WFDC12: variants seen among roughly 807,000 people sequenced by gnomAD.
WFDC12 encodes the protein WAP four-disulfide core domain protein 12.
Under a neutral mutation model 7.3 loss-of-function variants are expected in WFDC12, and 4 were observed. That is an observed-to-expected ratio of 0.55 (90% confidence interval 0.27 to 1.25). WFDC12 has a LOEUF of 1.25. WFDC12 is among the 50% of genes most tolerant of loss of function. The pLI is 0.12. For missense variants in WFDC12, 156 were observed against 134.4 expected (o/e 1.16, Z -0.80); for synonymous variants, 48 against 49.5 (o/e 0.97, Z 0.13).
rs781463323 is a variant in WFDC12, at chr20:45,124,088, G to T, written c.238+19C>A. On this transcript the variant is annotated intron_variant, in intron 2 of 2. Transcript: ENST00000372785. ...GCAGGGAAGGGACAGCCCCAGCCCT[G>T]GGAGGCAGGTCTCCTTACCTTCTTC... 1 of 1,613,632 alleles carries T rather than the reference G, an allele frequency of 6.2e-7. No homozygotes were observed. Among genetic ancestry groups the T allele is most frequent in the South Asian group, 1.1e-5 (1 of 91,000 alleles).
chr20:45,123,634 GAGCATT>G lies in WFDC12; in HGVS notation c.*206_*211del. On this transcript the variant is annotated 3_prime_UTR_variant, in exon 3 of 3. Transcript: ENST00000372785. ...TTTCATTCATGAGGGGTCCATTCAT[GAGCATT>G]AGGGAGGAGCACCAGGTAGAGAGGG... 1 of 599,988 alleles carries G rather than the reference GAGCATT, an allele frequency of 1.7e-6. No individual in the cohort carries two copies. The highest frequency in any genetic ancestry group is 2.9e-6 in the Non-Finnish European group (1 of 339,168). The allele number at this position is 599,988 out of a possible 1,614,324, so 37.2% of individuals were successfully genotyped here.
Position 45,123,843 on chromosome 20 carries a change from G to A in WFDC12, c.*3C>T, listed in dbSNP as rs1246908366. On this transcript the variant is annotated 3_prime_UTR_variant, in exon 3 of 3. Coordinates refer to ENST00000372785, the MANE Select transcript of WFDC12 (RefSeq NM_080869.2). ...GACCCCCAGAGGTAGAAAGGACCCA[G>A]CATCATTTCTGAGGACACCTGGTAG... The A allele has an allele frequency of 1.2e-6, 2 of 1,612,702 alleles. No individual in the cohort carries two copies. The highest frequency in any genetic ancestry group is 2.2e-5 in the East Asian group (1 of 44,878).
intron 2 of WFDC12, 41 bp from the exon 3 acceptor site, chr20:45,123,984 G>A (rs1490491460): frequency 6.3e-7 from 1 of 1,594,786 alleles, no homozygotes; most frequent in Non-Finnish European, 8.5e-7. Flanking sequence ...GGTCTCTGAG[G>A]GCCCTGCCAG....
chr20:45,124,335 C>A, intron 1 of WFDC12, 34 bp downstream of exon 1: 1 of 1,614,094 alleles, frequency 6.2e-7, no homozygotes, highest in South Asian at 1.1e-5. Context: ...CTCTCCCCAG[C>A]CCAGCCCCAC....
At position 45,123,957 on chromosome 20, in the gene WFDC12, A is replaced by G. The variant is rs776622351; in HGVS notation, c.239-14T>C. ...CCTTGTTTCCTCCTTTGGACAATGG[A>G]GATGTTCAGACTAGGTGGTCTCTGA... On this transcript the variant is annotated splice_polypyrimidine_tract_variant and intron_variant, in intron 2 of 2. Transcript: ENST00000372785. 15 of 1,604,334 alleles carry G rather than the reference A, an allele frequency of 9.3e-6. No homozygotes were observed. The African/African-American group carries it at 1.9e-4, about 20-fold the overall frequency.
rs748892218 is a variant in WFDC12, at chr20:45,124,425, A to G, written c.23T>C (p.Val8Ala). MGSSSFL[V>A]LMVSLVLVTL... ...CACAAGAACGAGAGACACCATGAGGACCAAGAAGCTGCTGGACCCCATGTT... is the reference window on the plus strand; with the variant it reads ...CACAAGAACGAGAGACACCATGAGGGCCAAGAAGCTGCTGGACCCCATGTT... Residue 8 changes from valine (V) to alanine (A), a missense_variant, in exon 1 of 3, where the codon GTC becomes GCC. Val to Ala is a moderately conservative substitution (Grantham distance 64, BLOSUM62 0). Transcript: ENST00000372785. The G allele has an allele frequency of 6.2e-7, 1 of 1,614,182 alleles. No individual in the cohort carries two copies. The highest frequency in any genetic ancestry group is 1.7e-5 in the Admixed American group (1 of 60,022).
chr20:45,124,150 G>A lies in WFDC12; in HGVS notation c.195C>T (p.His65=), dbSNP rs868067947. The A allele has an allele frequency of 1.2e-6, 2 of 1,614,214 alleles. No homozygotes were observed. Among genetic ancestry groups the A allele is most frequent in the Middle Eastern group, 3.3e-4 (2 of 6,052 alleles). ...CLGERKCCYL[H]CGFKCVIPVK... ...CAGGAATCACACACTTGAAGCCACA[G>A]TGCAGGTAACAACACTTCCTTTCCC... The change falls in exon 2 of 3, where the codon CAC becomes CAT. Residue 65 remains histidine, a synonymous_variant. Coordinates refer to ENST00000372785, the MANE Select transcript of WFDC12 (RefSeq NM_080869.2).
Position 45,124,362 on chromosome 20 carries a change from T to G in WFDC12, c.79+7A>C. 6.2e-7 allele frequency: 1 copy of G among 1,614,166 alleles called. No individual in the cohort carries two copies. The highest frequency in any genetic ancestry group is 8.5e-7 in the Non-Finnish European group (1 of 1,179,984). ...CAGCCCCACCCAGCTCCACCATGTC[T>G]GCTCACCCTCTTTAACTCCTTCCAC... On this transcript the variant is annotated splice_region_variant and intron_variant, in intron 1 of 2. Transcript: ENST00000372785.
At position 45,123,724 on chromosome 20, in the gene WFDC12, G is replaced by T; in HGVS notation, c.*122C>A. 2.9e-6 allele frequency: 3 copies of T among 1,029,142 alleles called. No homozygotes were observed. The highest frequency in any genetic ancestry group is 4.4e-6 in the Non-Finnish European group (3 of 683,376). 63.8% of individuals were successfully genotyped at this position (1,029,142 alleles called of 1,614,324 possible). A position where few individuals can be genotyped will look rare whatever the true frequency, so the allele number is the denominator to read the frequency against. On this transcript the variant is annotated 3_prime_UTR_variant, in exon 3 of 3. Coordinates refer to ENST00000372785, the MANE Select transcript of WFDC12 (RefSeq NM_080869.2). ...ACTCTTCCCTCTTTTTGGGGAAAAG[G>T]ACTTCAAGCTCAGGTTTTCTTTGGT...
rs757344820 is a variant in WFDC12, at chr20:45,124,311, G to A, written c.80-46C>T. ...GTGATATGAGAACTCCAGCCCCAGA[G>A]GGCCCCTCAGGACCTCTCCCCAGCC... On this transcript the variant is annotated intron_variant, in intron 1 of 2. Transcript: ENST00000372785. The A allele has an allele frequency of 1.9e-6, 3 of 1,613,834 alleles. No individual in the cohort carries two copies. In the South Asian group the frequency reaches 3.3e-5, roughly 18 times the overall value.
chr20:45,124,062 G>A (rs1296636638), intron 2 of WFDC12, 45 bp downstream of exon 2: 3 of 1,612,424 alleles, frequency 1.9e-6, no homozygotes, highest in Admixed American at 3.3e-5. Flanking sequence ...GTCAGATAGA[G>A]GCAGGGAAGG....
chr20:45,123,764 C>T lies in WFDC12; in HGVS notation c.*82G>A. On this transcript the variant is annotated 3_prime_UTR_variant, in exon 3 of 3. Transcript: ENST00000372785. Reference sequence around the variant, plus strand: ...TTTTCTTTGGTGGGGTTGGGTATTGCTTCTTCCATATTCCAAGTCTCAGGA... The same window carrying T: ...TTTTCTTTGGTGGGGTTGGGTATTGTTTCTTCCATATTCCAAGTCTCAGGA... 1.4e-6 allele frequency: 2 copies of T among 1,428,078 alleles called. No individual in the cohort carries two copies. The highest frequency in any genetic ancestry group is 1.4e-5 in the African/African-American group (1 of 71,052). 88.5% of individuals were successfully genotyped at this position (1,428,078 alleles called of 1,614,324 possible). A position where few individuals can be genotyped will look rare whatever the true frequency, so the allele number is the denominator to read the frequency against.
rs1340008890 is a variant in WFDC12 at position 45,124,116 on chromosome 20, G to T, written c.229C>A (p.Leu77Met). 5 of 1,613,994 alleles carry T rather than the reference G, an allele frequency of 3.1e-6. No individual in the cohort carries two copies. In the South Asian group the frequency reaches 4.4e-5, roughly 14 times the overall value. The change falls in exon 2 of 3, where the codon CTG becomes ATG. Residue 77 changes from leucine (L) to methionine (M), a missense_variant. Physicochemically the swap from Leu to Met is conservative, Grantham distance 15. Coordinates refer to ENST00000372785, the MANE Select transcript of WFDC12 (RefSeq NM_080869.2). Reference protein sequence around the residue: ...GFKCVIPVKELEEGGNKDEDV... With the variant: ...GFKCVIPVKEMEEGGNKDEDV... ...AGGCAGGTCTCCTTACCTTCTTCCAGTTCCTTCACAGGAATCACACACTTG... is the reference window on the plus strand; with the variant it reads ...AGGCAGGTCTCCTTACCTTCTTCCATTTCCTTCACAGGAATCACACACTTG...
At chr20:45,124,002 C>T (rs1981928092) in intron 2 of WFDC12, 59 bp from the exon 3 acceptor site, 2 of 1,595,084 alleles carry the variant, frequency 1.3e-6, no homozygotes, top group Admixed American at 1.8e-5. Flanking sequence ...CAGCTTTAGC[C>T]ATCCCTCCCC....
Position 45,123,877 on chromosome 20 carries a change from C to T in WFDC12, c.305G>A (p.Gly102Asp). Residue 102 changes from glycine (G) to aspartate (D), a missense_variant, in exon 3 of 3, where the codon GGC (glycine) becomes GAC (aspartate). Transcript: ENST00000372785. ...CTGAGGACACCTGGTAGAGGAGGAG[C>T]CTGGACACTTGGCCTCCCATCCTGG... ...PEPGWEAKCP[G>D]SSSTRCPQK 1.2e-6 allele frequency: 2 copies of T among 1,613,360 alleles called. No homozygotes were observed. Among genetic ancestry groups the T allele is most frequent in the South Asian group, 1.1e-5 (1 of 91,034 alleles).
At position 45,124,108 on chromosome 20, in the gene WFDC12, T is replaced by G; in HGVS notation, c.237A>C (p.Glu79Asp). ...GCCCTGGGAGGCAGGTCTCCTTACC[T>G]TCTTCCAGTTCCTTCACAGGAATCA... ...KCVIPVKELE[E>D]GGNKDEDVSR... is the part of the protein sequence containing the mutation. The change falls in exon 2 of 3, where the codon GAA (glutamate) becomes GAC (aspartate). Residue 79 changes from glutamate (E) to aspartate (D), a missense_variant and splice_region_variant. Transcript: ENST00000372785. The G allele has an allele frequency of 1.2e-6, 2 of 1,614,046 alleles. No individual in the cohort carries two copies. The highest frequency in any genetic ancestry group is 1.7e-6 in the Non-Finnish European group (2 of 1,179,952).
Position 45,123,574 on chromosome 20 carries a change from A to G in WFDC12, c.*272T>C. 1 of 494,404 alleles carries G rather than the reference A, an allele frequency of 2.0e-6. No individual in the cohort carries two copies. Among genetic ancestry groups the G allele is most frequent in the South Asian group, 2.4e-5 (1 of 42,376 alleles). 30.6% of individuals were successfully genotyped at this position (494,404 alleles called of 1,614,324 possible). A position where few individuals can be genotyped will look rare whatever the true frequency, so the allele number is the denominator to read the frequency against. On this transcript the variant is annotated 3_prime_UTR_variant, in exon 3 of 3. Coordinates refer to ENST00000372785, the MANE Select transcript of WFDC12 (RefSeq NM_080869.2). ...TGTGATCACACATTGCAGAAGGGCA[A>G]GGCAGCTCTTTGGGGTCTCTTATAA...
At position 45,123,579 on chromosome 20, in the gene WFDC12, G is replaced by A. The variant is rs556040222; in HGVS notation, c.*267C>T. 1 of 504,798 alleles carries A rather than the reference G, an allele frequency of 2.0e-6. No homozygotes were observed. Among genetic ancestry groups the A allele is most frequent in the Non-Finnish European group, 3.6e-6 (1 of 281,028 alleles). 31.3% of individuals were successfully genotyped at this position (504,798 alleles called of 1,614,324 possible). On this transcript the variant is annotated 3_prime_UTR_variant, in exon 3 of 3. Coordinates refer to ENST00000372785, the MANE Select transcript of WFDC12 (RefSeq NM_080869.2). ...TCACACATTGCAGAAGGGCAAGGCAGCTCTTTGGGGTCTCTTATAAGGGCA... is the reference window on the plus strand; with the variant it reads ...TCACACATTGCAGAAGGGCAAGGCAACTCTTTGGGGTCTCTTATAAGGGCA...
Position 45,124,430 on chromosome 20 carries a change from G to T in WFDC12, c.18C>A (p.Phe6Leu), listed in dbSNP as rs1439727569. Residue 6 changes from phenylalanine (F) to leucine (L), a missense_variant, in exon 1 of 3, where the codon TTC becomes TTA. By Grantham distance (22) the Phe-to-Leu change is conservative. Coordinates refer to ENST00000372785, the MANE Select transcript of WFDC12 (RefSeq NM_080869.2). MGSSS[F>L]LVLMVSLVLV... is the part of the protein sequence containing the mutation. ...GAACGAGAGACACCATGAGGACCAA[G>T]AAGCTGCTGGACCCCATGTTGCCAG... 6.2e-7 allele frequency: 1 copy of T among 1,614,196 alleles called. No homozygotes were observed. Among genetic ancestry groups the T allele is most frequent in the East Asian group, 2.2e-5 (1 of 44,874 alleles).
Sources: allele counts gnomAD v4.1 joint callset, GRCh38; gene constraint gnomAD v4.1.1; transcripts MANE v1.5; gene names NCBI Gene and HGNC (gene_info 2026-07-23, HGNC 2026-07-21).